Variants in RILPL1 observed in about 807,000 individuals in gnomAD.
The protein encoded by RILPL1 is Rab interacting lysosomal protein like 1.
RILPL1 carries 33 observed loss-of-function variants against 50.3 expected under a neutral mutation model. The observed-to-expected ratio is 0.66, with a 90% CI of 0.50 to 0.88. RILPL1 has a LOEUF of 0.88. Among genes scored for constraint, RILPL1 ranks in the 40% least tolerant of loss-of-function variants. The pLI, the probability that RILPL1 is intolerant of heterozygous loss-of-function variation, is 0.00. For missense variants in RILPL1, 418 were observed against 542.5 expected (o/e 0.77, Z 2.28); for synonymous variants, 205 against 228.6 (o/e 0.90, Z 0.93).
intron 1 of RILPL1, among the ~76,000 whole-genome samples, chr12:123,528,662 T>G (rs1443653392): frequency 1.3e-5 from 2 of 152,014 alleles, no homozygotes; most frequent in Non-Finnish European, 2.9e-5. Flanking sequence ...CTCCTGACCT[T>G]GTGATCCGCC....
rs1474964982 is a variant in RILPL1, at chr12:123,521,589, A to G, written c.460+1906T>C. Among the ~76,000 whole-genome samples, 50 of 21,708 alleles carry G rather than the reference A, an allele frequency of 2.3e-3. No homozygotes were observed. The Middle Eastern group carries it at 0.068, about 30-fold the overall frequency. 14.2% of individuals were successfully genotyped at this position (21,708 alleles called of 152,430 possible). The stretch of plus-strand genomic sequence containing the variant: ...AATATATATACACACATATGTGTAT[A>G]TATATATTAATATATATACACACAT... On this transcript the variant is annotated intron_variant, in intron 2 of 6. Transcript: ENST00000376874.
chr12:123,521,647 ATATACACATATATG>A (rs1451809656), intron 2 of RILPL1, among the ~76,000 whole-genome samples: 3 of 26,632 alleles, frequency 1.1e-4, no homozygotes, highest in African/African-American at 2.7e-4. Context: ...ATGTGTATAT[ATATACACATATATG>A]TATATATATA....
In RILPL1 at chr12:123,502,888, AT is replaced by A. The variant is rs969514232; in HGVS notation, c.461-3353del. The stretch of plus-strand genomic sequence containing the variant: ...TGCTTCCTCTGGACCTCTAAGGGAG[AT>A]TTTTTTTTTCTTTTTTGAGACAGAG... On this transcript the variant is annotated intron_variant, in intron 2 of 6. Coordinates refer to ENST00000376874, the MANE Select transcript of RILPL1 (RefSeq NM_178314.5). Among the ~76,000 whole-genome samples the A allele has an allele frequency of 8.7e-5, 13 of 149,882 alleles. No individual in the cohort carries two copies. In the East Asian group the frequency reaches 1.2e-3, roughly 14 times the overall value.
At chr12:123,524,468 A>G (rs1161333314) in intron 1 of RILPL1, among the ~76,000 whole-genome samples, 2 of 152,202 alleles carry the variant, frequency 1.3e-5, no homozygotes, top group African/African-American at 2.4e-5. Flanking sequence ...CAATGTCCAC[A>G]TGAAAACGCG....
chr12:123,521,650 T>TAAATATATATATAC (rs1555269632), intron 2 of RILPL1, among the ~76,000 whole-genome samples: 1 of 24,256 alleles, frequency 4.1e-5, no homozygotes, highest in African/African-American at 9.5e-5. Flanking sequence ...TGTATATATA[T>TAAATATATATATAC]ACACATATAT....
intron 2 of RILPL1, among the ~76,000 whole-genome samples, chr12:123,521,530 T>A (rs546136193): frequency 1.7e-3 from 243 of 139,364 alleles, no homozygotes; most frequent in African/African-American, 6.1e-3. Context: ...TATATATATA[T>A]AAATATATGT....
intron 2 of RILPL1, among the ~76,000 whole-genome samples, chr12:123,505,225 T>G (rs972372075): frequency 7.2e-5 from 11 of 152,244 alleles, no homozygotes; most frequent in East Asian, 1.9e-4. Flanking sequence ...AGAGACAGGA[T>G]TTCACCATGT....
At chr12:123,525,717 A>AAAAAAAAAAAAAAAG (rs1885227624) in intron 1 of RILPL1, among the ~76,000 whole-genome samples, 2 of 133,352 alleles carry the variant, frequency 1.5e-5, no homozygotes, top group Admixed American at 8.1e-5. Flanking sequence ...AAAAAAAAAA[A>AAAAAAAAAAAAAAAG]AAAAAAAGAA....
intron 2 of RILPL1, among the ~76,000 whole-genome samples, chr12:123,512,352 A>ATGTG (rs764177999): frequency 1.4e-5 from 1 of 72,496 alleles, no homozygotes; most frequent in African/African-American, 6.2e-5. Context: ...TGAGGTCTGT[A>ATGTG]TGTGTGTGTG....
intron 1 of RILPL1, 99 bp from the exon 2 acceptor site, chr12:123,523,744 G>A: frequency 7.2e-7 from 1 of 1,388,454 alleles, no homozygotes; most frequent in Non-Finnish European, 9.7e-7. Context: ...TGGGACTTTG[G>A]GCCATCCCCT....
intron 2 of RILPL1, 21 bp from the exon 3 acceptor site, chr12:123,499,557 G>T: frequency 6.4e-7 from 1 of 1,565,394 alleles, no homozygotes; most frequent in Non-Finnish European, 8.8e-7. Flanking sequence ...AAGTGAGACC[G>T]GCAGGTGAGC....
chr12:123,490,898 G>A (rs939709187), intron 4 of RILPL1, among the ~76,000 whole-genome samples: 1 of 152,110 alleles, frequency 6.6e-6, no homozygotes, highest in Admixed American at 6.5e-5. Context: ...GTACAGGCAT[G>A]CGCCACCATG....
At position 123,489,263 on chromosome 12, in the gene RILPL1, T is replaced by C. The variant is rs955493988; in HGVS notation, c.802-3458A>G. On this transcript the variant is annotated intron_variant, in intron 4 of 6. Coordinates refer to ENST00000376874, the MANE Select transcript of RILPL1 (RefSeq NM_178314.5). This position sits in a 1 kb window ranked among gnomAD's most constrained non-coding sequence, Gnocchi z 4.0. ...AAGGCCAGGTGTGGTGGCTCACACCTGTAATCCCAGTACTTTGGGAGGCTG... is the reference window on the plus strand; with the variant it reads ...AAGGCCAGGTGTGGTGGCTCACACCCGTAATCCCAGTACTTTGGGAGGCTG... Among the ~76,000 whole-genome samples the C allele has an allele frequency of 1.2e-4, 19 of 152,182 alleles. No homozygotes were observed. The highest frequency in any genetic ancestry group is 4.3e-4 in the African/African-American group (18 of 41,454).
intron 1 of RILPL1, among the ~76,000 whole-genome samples, chr12:123,526,494 G>A (rs1490440889): frequency 6.6e-6 from 1 of 152,042 alleles, no homozygotes; most frequent in East Asian, 1.9e-4. Flanking sequence ...GGGAAGGGTG[G>A]GTGTGAGGAT....
intron 1 of RILPL1, among the ~76,000 whole-genome samples, chr12:123,526,220 T>C (rs1885251019): frequency 1.3e-5 from 2 of 151,884 alleles, no homozygotes; most frequent in African/African-American, 2.4e-5. Context: ...CCAGGAGAAC[T>C]GCTTGAACCT....
In RILPL1 at chr12:123,533,211, C is replaced by G; in HGVS notation, c.272G>C (p.Arg91Thr). The change falls in exon 1 of 7, where the codon AGG becomes ACG. Residue 91 changes from arginine (R) to threonine (T), a missense_variant. Arg to Thr is a moderately conservative substitution (Grantham distance 71). Transcript: ENST00000376874. The surrounding 1 kb of genome is among the most constrained non-coding windows in gnomAD (Gnocchi z 6.2). ...RLELDRLRLE[R>T]MDRIEKERKH... ...GCGCTCCTTCTCGATGCGGTCCATC[C>G]TCTCCAGGCGCAGGCGGTCCAGCTC... 2 of 1,587,764 alleles carry G rather than the reference C, an allele frequency of 1.3e-6. No individual in the cohort carries two copies. The highest frequency in any genetic ancestry group is 1.1e-5 in the South Asian group (1 of 88,486).
At chr12:123,494,398 G>A (rs973129512) in intron 4 of RILPL1, among the ~76,000 whole-genome samples, 2 of 152,130 alleles carry the variant, frequency 1.3e-5, no homozygotes, top group African/African-American at 2.4e-5. Context: ...TCACATTACC[G>A]CAGCCTGATT....
intron 2 of RILPL1, among the ~76,000 whole-genome samples, chr12:123,511,795 CTG>C (rs1163169704): frequency 4.8e-5 from 3 of 62,724 alleles, no homozygotes; most frequent in African/African-American, 2.1e-4. Flanking sequence ...TGTGTGAGGT[CTG>C]TGTGTGGTGT....
At chr12:123,523,400 G>T in intron 2 of RILPL1, 95 bp downstream of exon 2, 2 of 1,423,152 alleles carry the variant, frequency 1.4e-6, no homozygotes, top group East Asian at 2.3e-5. Context: ...AGCCAGCACC[G>T]CATCAGCGTC....
Sources: gnomAD v4.1 joint callset for allele counts (sites outside exome capture counted in the v4.1 genomes callset) on GRCh38, gnomAD v4.1.1 for gene constraint, Gnocchi (gnomAD v3.1) non-coding constraint, MANE v1.5 for transcripts, NCBI Gene and HGNC (gene_info 2026-07-23, HGNC 2026-07-21) for gene names.